The following CCDC144A variants were observed in gnomAD, a reference collection of about 807,000 sequenced individuals.
The protein encoded by CCDC144A is coiled-coil domain containing 144A, also known as coiled-coil domain-containing protein 144A.
Under a neutral mutation model 143.8 loss-of-function variants are expected in CCDC144A, and 41 were observed. That is an observed-to-expected ratio of 0.29 (90% CI 0.22 to 0.37). The LOEUF (loss-of-function observed/expected upper bound fraction) is 0.37, where lower values mean the gene tolerates loss of function less well. Among genes scored for constraint, CCDC144A ranks in the 10% least tolerant of loss-of-function variants. The pLI is 1.00. For synonymous variants in CCDC144A, 242 were observed against 517.9 expected (o/e 0.47, Z 7.23); for missense variants, 637 against 1,488.8 (o/e 0.43, Z 9.41).
intron 12 of CCDC144A, among the ~76,000 whole-genome samples, chr17:16,744,547 T>C (rs1391577613): frequency 6.6e-6 from 1 of 152,132 alleles, no homozygotes; most frequent in East Asian, 1.9e-4. Context: ...CCCGCTTTTA[T>C]ATATTTTTTT....
rs1480426637 is a variant in CCDC144A, at chr17:16,776,591, A to G, written c.*2958A>G. 2.0e-5 allele frequency: 3 copies of G among 152,226 alleles called. No homozygotes were observed. The highest frequency in any genetic ancestry group is 4.8e-5 in the African/African-American group (2 of 41,452). The allele number at this position is 152,226 out of a possible 1,614,324, so 9.4% of individuals were successfully genotyped here. A position where few individuals can be genotyped will look rare whatever the true frequency, so the allele number is the denominator to read the frequency against. On this transcript the variant is annotated 3_prime_UTR_variant, in exon 17 of 17. Coordinates refer to ENST00000399273, the MANE Select transcript of CCDC144A (RefSeq NM_001382000.1). Reference sequence around the variant, plus strand: ...TGTTGAAGTTGCTTATCAGCTAAGAAGTTTTTGAGCTGAGATGATGGAGTT... The same window carrying G: ...TGTTGAAGTTGCTTATCAGCTAAGAGGTTTTTGAGCTGAGATGATGGAGTT...
At chr17:16,671,067 A>T in the CCDC144A span, among the ~76,000 whole-genome samples, 1 of 151,226 alleles carries the variant, frequency 6.6e-6, no homozygotes, top group African/African-American at 2.4e-5. Flanking sequence ...GCTCATTGCA[A>T]CCTCCACTTG....
chr17:16,749,748 G>A (rs1914700877), intron 12 of CCDC144A, among the ~76,000 whole-genome samples: 1 of 152,186 alleles, frequency 6.6e-6, no homozygotes, highest in African/African-American at 2.4e-5. Flanking sequence ...GAAGTACTTG[G>A]TTGTTTTTGA....
At position 16,734,835 on chromosome 17, in the gene CCDC144A, C is replaced by T. The variant is rs2621562; in HGVS notation, c.2564C>T (p.Ala855Val). ...AAGAAATATTTTGAGGACATTGAGG[C>T]TGTGAAAGAAAAGAATGATAACCTT... ...KEKKYFEDIE[A>V]VKEKNDNLQK... The change falls in exon 12 of 17, where the codon GCT becomes GTT. Residue 855 changes from alanine (A) to valine (V), a missense_variant. Physicochemically the swap from Ala to Val is moderately conservative, Grantham distance 64. Transcript: ENST00000399273. 2.6e-6 allele frequency: 4 copies of T among 1,563,204 alleles called. No individual in the cohort carries two copies. The highest frequency in any genetic ancestry group is 3.5e-6 in the Non-Finnish European group (4 of 1,157,670).
intron 3 of CCDC144A, chr17:16,705,627 G>C: frequency 2.0e-6 from 1 of 509,466 alleles, no homozygotes; most frequent in South Asian, 2.1e-5. Context: ...TAGGAAGTAG[G>C]ATTATATTTA....
At chr17:16,723,421 C>T (rs1913207097) in intron 8 of CCDC144A, among the ~76,000 whole-genome samples, 1 of 151,724 alleles carries the variant, frequency 6.6e-6, no homozygotes, top group Admixed American at 6.6e-5. Flanking sequence ...TTTTATTGAC[C>T]TCCTCATAGT....
chr17:16,692,746 A>G (rs1037207610), intron 1 of CCDC144A, among the ~76,000 whole-genome samples: 3 of 151,652 alleles, frequency 2.0e-5, no homozygotes, highest in Admixed American at 6.6e-5. Flanking sequence ...TGCCAAGCTA[A>G]TGTGAGTTAA....
chr17:16,776,977 C>T lies in CCDC144A; in HGVS notation c.*3344C>T, dbSNP rs1268075452. 2 of 137,500 alleles carry T rather than the reference C, an allele frequency of 1.5e-5. No individual in the cohort carries two copies. Among genetic ancestry groups the T allele is most frequent in the African/African-American group, 5.6e-5 (2 of 35,484 alleles). 8.5% of individuals were successfully genotyped at this position (137,500 alleles called of 1,614,324 possible). A position where few individuals can be genotyped will look rare whatever the true frequency, so the allele number is the denominator to read the frequency against. ...CTTCAGGAGACTCACCTAACACATA[C>T]GGACTCACATAAACTTAAGGCAAAG... is the stretch of plus-strand genomic sequence containing the variant. On this transcript the variant is annotated 3_prime_UTR_variant, in exon 17 of 17. Transcript: ENST00000399273.
Position 16,757,471 on chromosome 17 carries a change from G to A in CCDC144A, c.3373-3954G>A, listed in dbSNP as rs577738914. On this transcript the variant is annotated intron_variant, in intron 12 of 16. Transcript: ENST00000399273. ...TCTCCTTGGTATTAGTGGTAGATGGGGCCTGGGTAAAGGCACAGAGGCCTG... is the reference window on the plus strand; with the variant it reads ...TCTCCTTGGTATTAGTGGTAGATGGAGCCTGGGTAAAGGCACAGAGGCCTG... Among the ~76,000 whole-genome samples, 4 of 152,364 alleles carry A rather than the reference G, an allele frequency of 2.6e-5. No homozygotes were observed. In the South Asian group the frequency reaches 8.3e-4, roughly 32 times the overall value.
At chr17:16,694,462 A>C (rs1399605817) in intron 2 of CCDC144A, among the ~76,000 whole-genome samples, 1 of 152,042 alleles carries the variant, frequency 6.6e-6, no homozygotes, top group Non-Finnish European at 1.5e-5. Context: ...GCACACCTGT[A>C]ATCCCAGCTA....
At chr17:16,674,536 CGAAA>C in the CCDC144A span, among the ~76,000 whole-genome samples, 94 of 133,328 alleles carry the variant, frequency 7.1e-4, no homozygotes, top group Non-Finnish European at 1.1e-3. Flanking sequence ...CAAAACCTGT[CGAAA>C]GAAAGAGGAA....
At chr17:16,744,504 CT>C in intron 12 of CCDC144A, among the ~76,000 whole-genome samples, 1 of 152,124 alleles carries the variant, frequency 6.6e-6, no homozygotes, top group East Asian at 1.9e-4. Context: ...ACTTTTATGT[CT>C]TTTTTGGAGA....
intron 16 of CCDC144A, 137 bp downstream of exon 16, chr17:16,772,156 T>C (rs1349542547): frequency 2.4e-5 from 15 of 613,272 alleles, no homozygotes; most frequent in Non-Finnish European, 2.0e-5. Flanking sequence ...TAATGAAAGA[T>C]GTGAAAACTT....
At chr17:16,678,236 C>T in the CCDC144A span, among the ~76,000 whole-genome samples, 1 of 151,936 alleles carries the variant, frequency 6.6e-6, no homozygotes, top group Non-Finnish European at 1.5e-5. Flanking sequence ...AGCAGCCATC[C>T]GACTTAGGGG....
At chr17:16,685,226 C>T (rs1056041730), upstream of CCDC144A, among the ~76,000 whole-genome samples, 1 of 152,140 alleles carries the variant, frequency 6.6e-6, no homozygotes. Flanking sequence ...GGGGTTTTGT[C>T]ATGTTACCCA....
At chr17:16,751,916 C>T (rs1375281679) in intron 12 of CCDC144A, among the ~76,000 whole-genome samples, 1 of 152,224 alleles carries the variant, frequency 6.6e-6, no homozygotes, top group African/African-American at 2.4e-5. Context: ...CAGGGCAGGC[C>T]CAACTAGGTA....
At chr17:16,666,927 C>G in the CCDC144A span, 3 of 152,530 alleles carry the variant, frequency 2.0e-5, no homozygotes, top group African/African-American at 7.2e-5. Flanking sequence ...CCCGGGACTC[C>G]TGGTGGGTGA....
In CCDC144A at chr17:16,718,856, G is replaced by A. The variant is rs1286949573; in HGVS notation, c.1716-1342G>A. On this transcript the variant is annotated intron_variant, in intron 6 of 16. Transcript: ENST00000399273. Reference sequence around the variant, plus strand: ...TGTTTTTTTTTTTTTTTTTGAGACAGAGTCTTGCTCTTTCACCCAGGCTAG... The same window carrying A: ...TGTTTTTTTTTTTTTTTTTGAGACAAAGTCTTGCTCTTTCACCCAGGCTAG... Among the ~76,000 whole-genome samples, 4 of 112,702 alleles carry A rather than the reference G, an allele frequency of 3.5e-5. No homozygotes were observed. In the East Asian group the frequency reaches 9.8e-4, roughly 28 times the overall value. The allele number at this position is 112,702 out of a possible 152,430, so 73.9% of individuals were successfully genotyped here.
At position 16,759,612 on chromosome 17, in the gene CCDC144A, G is replaced by T. The variant is rs536728649; in HGVS notation, c.3373-1813G>T. Among the ~76,000 whole-genome samples, 30 of 148,872 alleles carry T rather than the reference G, an allele frequency of 2.0e-4. No homozygotes were observed. The East Asian group carries it at 6.0e-3, about 30-fold the overall frequency. ...GTATCGTTTTCTTCACTATCCTGGAGCCCTTCCTACCAGCTTCTTCGAGGA... is the reference window on the plus strand; with the variant it reads ...GTATCGTTTTCTTCACTATCCTGGATCCCTTCCTACCAGCTTCTTCGAGGA... On this transcript the variant is annotated intron_variant, in intron 12 of 16. Transcript: ENST00000399273.
Sources: gnomAD v4.1 joint callset for allele counts (sites outside exome capture counted in the v4.1 genomes callset) on GRCh38, gnomAD v4.1.1 for gene constraint, MANE v1.5 for transcripts, NCBI Gene and HGNC (gene_info 2026-07-23, HGNC 2026-07-21) for gene names.